Variants in DLG5 observed in about 807,000 individuals in gnomAD.
DLG5 encodes the protein discs large MAGUK scaffold protein 5, also known as disks large homolog 5.
Under a neutral mutation model 189.8 loss-of-function variants are expected in DLG5, and 48 were observed. The observed-to-expected ratio is 0.25, with a 90% CI of 0.20 to 0.32. DLG5 has a LOEUF of 0.32. Among genes scored for constraint, DLG5 ranks in the 10% least tolerant of loss-of-function variants. DLG5 has a pLI of 1.00. For missense variants in DLG5, 2,160 were observed against 2,544.7 expected (o/e 0.85, Z 3.25); for synonymous variants, 1,016 against 1,054.1 (o/e 0.96, Z 0.70).
chr10:77,873,597 C>G (rs1411863541), intron 1 of DLG5, among the ~76,000 whole-genome samples: 5 of 152,270 alleles, frequency 3.3e-5, no homozygotes, highest in South Asian at 2.1e-4. Flanking sequence ...CCTCCCAGGC[C>G]CCCTCCCATA....
chr10:77,843,349 G>C (rs1192293171), intron 6 of DLG5, 98 bp downstream of exon 6: 10 of 1,446,572 alleles, frequency 6.9e-6, no homozygotes. Context: ...TTTTTTGATT[G>C]AAAAAGCACA....
chr10:77,828,954 A>G lies in DLG5; in HGVS notation c.2217T>C (p.Tyr739=). ...DSGISLENGV[Y]AAAVLPGSPA... Reference sequence around the variant, plus strand: ...GGCTTCCAGGCAGCACAGCGGCAGCATACACTCCATTCTCCAGACTGATGC... The same window carrying G: ...GGCTTCCAGGCAGCACAGCGGCAGCGTACACTCCATTCTCCAGACTGATGC... Residue 739 remains tyrosine, a synonymous_variant, in exon 13 of 32, where the codon TAT becomes TAC. Coordinates refer to ENST00000372391, the MANE Select transcript of DLG5 (RefSeq NM_004747.4). The G allele has an allele frequency of 1.2e-6, 2 of 1,614,096 alleles. No homozygotes were observed. Among genetic ancestry groups the G allele is most frequent in the Non-Finnish European group, 1.7e-6 (2 of 1,180,004 alleles).
At chr10:77,820,061 T>C (rs1197675376) in intron 15 of DLG5, 43 bp from the exon 16 acceptor site, 19 of 1,608,028 alleles carry the variant, frequency 1.2e-5, no homozygotes, top group African/African-American at 5.4e-5. Context: ...AAGAGTGGAG[T>C]GTGGCCAGGC....
In DLG5 at chr10:77,926,508, G is replaced by C; in HGVS notation, c.13C>G (p.Arg5Gly). 1 of 1,346,092 alleles carries C rather than the reference G, an allele frequency of 7.4e-7. No individual in the cohort carries two copies. The highest frequency in any genetic ancestry group is 9.6e-7 in the Non-Finnish European group (1 of 1,045,736). 83.4% of individuals were successfully genotyped at this position (1,346,092 alleles called of 1,614,324 possible). A position where few individuals can be genotyped will look rare whatever the true frequency, so the allele number is the denominator to read the frequency against. The change falls in exon 1 of 32, where the codon CGC (arginine) becomes GGC (glycine). Residue 5 changes from arginine (R) to glycine (G), a missense_variant. Arg to Gly is a moderately radical substitution (Grantham distance 125, BLOSUM62 -2). Coordinates refer to ENST00000372391, the MANE Select transcript of DLG5 (RefSeq NM_004747.4). The surrounding 1 kb of genome is among the most constrained non-coding windows in gnomAD (Gnocchi z 5.2). MEPQ[R>G]RELLAQCQQS... ...TGACACTGGGCGAGCAGCTCCCGGC[G>C]CTGGGGCTCCATGGTGGCGGGCCGC...
chr10:77,861,513 A>C (rs1844469247), intron 2 of DLG5, among the ~76,000 whole-genome samples: 2 of 151,888 alleles, frequency 1.3e-5, no homozygotes, highest in African/African-American at 2.4e-5. Flanking sequence ...ATCCCAACAC[A>C]CCCCATCTCT....
chr10:77,838,264 G>A (rs1843246741), intron 7 of DLG5, among the ~76,000 whole-genome samples: 1 of 152,194 alleles, frequency 6.6e-6, no homozygotes, highest in Non-Finnish European at 1.5e-5. Context: ...GCCCGTCTAG[G>A]AAAGTGCGTT....
intron 31 of DLG5, chr10:77,793,644 T>C: frequency 4.2e-6 from 1 of 237,188 alleles, no homozygotes; most frequent in Non-Finnish European, 8.1e-6. Context: ...GCCCCTAGCC[T>C]CCGCTGCCCA....
intron 2 of DLG5, among the ~76,000 whole-genome samples, chr10:77,860,837 C>G (rs1844443910): frequency 6.6e-6 from 1 of 152,174 alleles, no homozygotes; most frequent in Non-Finnish European, 1.5e-5. Flanking sequence ...CTGTACTTAT[C>G]TGGCACTCCA....
At chr10:77,901,114 CAA>C (rs34724408) in intron 1 of DLG5, among the ~76,000 whole-genome samples, 9 of 52,680 alleles carry the variant, frequency 1.7e-4, no homozygotes, top group Non-Finnish European at 2.3e-4. Context: ...AACTCCATCT[CAA>C]AAAAAAAAAA....
At position 77,792,001 on chromosome 10, in the gene DLG5, G is replaced by A. The variant is rs1840662826; in HGVS notation, c.*439C>T. ...GAGGTTCCAAGGTCGTTTTGCTGAA[G>A]ACGGGAACGAAACCAACACCAAAGC... On this transcript the variant is annotated 3_prime_UTR_variant, in exon 32 of 32. Transcript: ENST00000372391. The A allele has an allele frequency of 5.8e-6, 1 of 172,088 alleles. No individual in the cohort carries two copies. Among genetic ancestry groups the A allele is most frequent in the Admixed American group, 5.8e-5 (1 of 17,274 alleles). The allele number at this position is 172,088 out of a possible 1,614,324, so 10.7% of individuals were successfully genotyped here.
chr10:77,853,664 T>C, intron 4 of DLG5, 127 bp from the exon 5 acceptor site: 1 of 985,076 alleles, frequency 1.0e-6, no homozygotes, highest in Non-Finnish European at 1.4e-6. Context: ...CAATGGCAGG[T>C]AGGTCTGTAG....
At position 77,816,650 on chromosome 10, in the gene DLG5, A is replaced by C; in HGVS notation, c.3926T>G (p.Ile1309Ser). The C allele has an allele frequency of 1.2e-6, 2 of 1,614,056 alleles. No individual in the cohort carries two copies. Among genetic ancestry groups the C allele is most frequent in the Non-Finnish European group, 1.7e-6 (2 of 1,179,972 alleles). Residue 1309 changes from isoleucine (I) to serine (S), a missense_variant, in exon 20 of 32, where the codon ATC becomes AGC. Transcript: ENST00000372391. ...CTGGCTACAAGAGGACAGGGTGTCGATGTTCAGGGGTGACTGTGGAGGAGT... is the reference window on the plus strand; with the variant it reads ...CTGGCTACAAGAGGACAGGGTGTCGCTGTTCAGGGGTGACTGTGGAGGAGT... Reference protein sequence around the residue: ...CSTPPQSPLNIDTLSSCSQSQ... With the variant: ...CSTPPQSPLNSDTLSSCSQSQ...
At chr10:77,833,468 A>G (rs539296833) in intron 9 of DLG5, among the ~76,000 whole-genome samples, 23 of 152,208 alleles carry the variant, frequency 1.5e-4, no homozygotes, top group Non-Finnish European at 2.5e-4. Context: ...GGGACTTGGT[A>G]TGCTTGTCAG....
chr10:77,869,113 A>G lies in DLG5; in HGVS notation c.373+16T>C. The G allele has an allele frequency of 1.2e-6, 2 of 1,612,392 alleles. No homozygotes were observed. The highest frequency in any genetic ancestry group is 1.7e-6 in the Non-Finnish European group (2 of 1,178,746). On this transcript the variant is annotated intron_variant, in intron 2 of 31. Coordinates refer to ENST00000372391, the MANE Select transcript of DLG5 (RefSeq NM_004747.4). ...CCCTGGCCCACCCGGTGTCCTCCCC[A>G]GACAGTGGTACTCACCCACACTGCT...
At chr10:77,807,271 G>T (rs1841524373) in intron 25 of DLG5, among the ~76,000 whole-genome samples, 1 of 152,158 alleles carries the variant, frequency 6.6e-6, no homozygotes, top group African/African-American at 2.4e-5. Flanking sequence ...AATCTCTCTA[G>T]GATGGAAATA....
intron 6 of DLG5, among the ~76,000 whole-genome samples, chr10:77,843,026 C>G (rs931805769): frequency 1.3e-5 from 2 of 152,200 alleles, no homozygotes; most frequent in Admixed American, 6.5e-5. Context: ...CTAAAGATGA[C>G]AGAAGACACA....
chr10:77,906,506 A>T (rs1846073063), intron 1 of DLG5, among the ~76,000 whole-genome samples: 1 of 151,984 alleles, frequency 6.6e-6, no homozygotes, highest in Non-Finnish European at 1.5e-5. Flanking sequence ...TGGAACACAA[A>T]TGTCATGCAC....
At chr10:77,839,693 C>T (rs1843325986) in intron 7 of DLG5, among the ~76,000 whole-genome samples, 1 of 152,182 alleles carries the variant, frequency 6.6e-6, no homozygotes, top group Admixed American at 6.5e-5. Context: ...ATTATGTGCT[C>T]AGATACCAGG....
At position 77,802,635 on chromosome 10, in the gene DLG5, C is replaced by T. The variant is rs1423753045; in HGVS notation, c.5164+3030G>A. On this transcript the variant is annotated intron_variant, in intron 27 of 31. Coordinates refer to ENST00000372391, the MANE Select transcript of DLG5 (RefSeq NM_004747.4). ...GGACAGTGCCTTGCGCCTGTAATCC[C>T]GGGTGCAGTGCCTTGCACTTTGTGA... 3.9e-5 allele frequency among the ~76,000 whole-genome samples: 6 copies of T among 152,188 alleles called. 1 individual carries two copies. Among genetic ancestry groups the T allele is most frequent in the South Asian group, 4.1e-4 (2 of 4,828 alleles).
Sources: allele counts gnomAD v4.1 joint callset (sites outside exome capture counted in the v4.1 genomes callset), GRCh38; gene constraint gnomAD v4.1.1; non-coding constraint Gnocchi (gnomAD v3.1); transcripts MANE v1.5; gene names NCBI Gene and HGNC (gene_info 2026-07-23, HGNC 2026-07-21).